FBN2: variants seen among roughly 807,000 people sequenced by gnomAD.
The protein encoded by FBN2 is fibrillin 2, also known as fibrillin-2.
FBN2 carries 105 observed loss-of-function variants against 355.6 expected under a neutral mutation model. The ratio of observed to expected loss-of-function variants is 0.30; its 90% CI spans 0.25 to 0.35. The LOEUF (loss-of-function observed/expected upper bound fraction) is 0.35, where lower values mean the gene tolerates loss of function less well. Among genes scored for constraint, FBN2 ranks in the 10% least tolerant of loss-of-function variants. FBN2 has a pLI of 1.00. For missense variants in FBN2, 3,280 were observed against 3,758.7 expected (o/e 0.87, Z 3.33); for synonymous variants, 1,350 against 1,301.2 (o/e 1.04, Z -0.81).
intron 23 of FBN2, among the ~76,000 whole-genome samples, chr5:128,347,869 C>T (rs554777932): frequency 1.3e-5 from 2 of 152,164 alleles, no homozygotes; most frequent in Non-Finnish European, 2.9e-5. Context: ...ATCTCCACTT[C>T]CCAGGTTCAA....
chr5:128,498,341 A>G (rs762232150), intron 5 of FBN2, among the ~76,000 whole-genome samples: 30 of 152,248 alleles, frequency 2.0e-4, no homozygotes, highest in Non-Finnish European at 3.8e-4. Context: ...TAATGAATAT[A>G]GCACTTTCCA....
intron 5 of FBN2, among the ~76,000 whole-genome samples, chr5:128,494,946 G>T (rs1349362351): frequency 6.6e-6 from 1 of 152,094 alleles, no homozygotes; most frequent in Non-Finnish European, 1.5e-5. Context: ...CAACAGAAAT[G>T]TCCTTAGAGA....
chr5:128,414,079 T>C (rs1416781156), intron 7 of FBN2, among the ~76,000 whole-genome samples: 1 of 152,194 alleles, frequency 6.6e-6, no homozygotes, highest in Non-Finnish European at 1.5e-5. Flanking sequence ...TTCAAAAGCA[T>C]GGTGTGTATC....
At chr5:128,454,766 C>G (rs977773892) in intron 6 of FBN2, among the ~76,000 whole-genome samples, 1 of 152,116 alleles carries the variant, frequency 6.6e-6, no homozygotes, top group African/African-American at 2.4e-5. Context: ...ATTGCTATTT[C>G]TTTATTCATG....
Position 128,290,823 on chromosome 5 carries a change from A to T in FBN2, c.6354T>A (p.Ala2118=), listed in dbSNP as rs1273900117. The change falls in exon 50 of 65, where the codon GCT becomes GCA. Residue 2118 remains alanine, a synonymous_variant. Transcript: ENST00000262464. ...AGCATTTTGCTTTTGTGGTGTTGAA[A>T]GCTTTGGGTACAGAACACTTTCCAT... ...FENGKCSVPK[A]FNTTKAKCCC... is the part of the protein sequence containing the mutation. 6.2e-7 allele frequency: 1 copy of T among 1,614,114 alleles called. No homozygotes were observed. The highest frequency in any genetic ancestry group is 1.7e-5 in the Admixed American group (1 of 60,018).
intron 4 of FBN2, among the ~76,000 whole-genome samples, chr5:128,527,602 A>C (rs1756595020): frequency 6.6e-6 from 1 of 152,124 alleles, no homozygotes; most frequent in Non-Finnish European, 1.5e-5. Flanking sequence ...AAATCACAGA[A>C]AATCTGTGAG....
chr5:128,267,225 T>C (rs924541395), intron 62 of FBN2, among the ~76,000 whole-genome samples: 5 of 152,232 alleles, frequency 3.3e-5, no homozygotes, highest in Non-Finnish European at 5.9e-5. Flanking sequence ...CAGTCTATCA[T>C]GGGCATTTGG....
At chr5:128,451,371 T>C (rs1754239148) in intron 6 of FBN2, among the ~76,000 whole-genome samples, 1 of 152,184 alleles carries the variant, frequency 6.6e-6, no homozygotes, top group African/African-American at 2.4e-5. Context: ...ATTCAGCACA[T>C]TTTAAACCTC....
intron 30 of FBN2, among the ~76,000 whole-genome samples, 161 bp from the exon 31 acceptor site, chr5:128,335,005 G>A (rs943508427): frequency 4.6e-5 from 7 of 152,140 alleles, no homozygotes; most frequent in African/African-American, 1.7e-4. Context: ...CCTGCCTTTA[G>A]ACATTTTTAA....
At chr5:128,468,365 A>G (rs1225819914) in intron 5 of FBN2, among the ~76,000 whole-genome samples, 4 of 152,180 alleles carry the variant, frequency 2.6e-5, no homozygotes, top group Non-Finnish European at 4.4e-5. Flanking sequence ...TACTTTTGGG[A>G]TATTATAAAT....
chr5:128,306,660 A>C (rs1315376075), intron 42 of FBN2, among the ~76,000 whole-genome samples: 1 of 152,164 alleles, frequency 6.6e-6, no homozygotes, highest in African/African-American at 2.4e-5. Context: ...ATCTTTGAGG[A>C]AGGAAGCTAG....
chr5:128,526,286 G>C (rs533979731), intron 4 of FBN2, among the ~76,000 whole-genome samples: 9 of 152,048 alleles, frequency 5.9e-5, no homozygotes, highest in Non-Finnish European at 1.3e-4. Context: ...TGGAGCCCTT[G>C]TGCACTGCTA....
intron 27 of FBN2, among the ~76,000 whole-genome samples, chr5:128,337,682 C>T (rs1195028327): frequency 5.9e-5 from 9 of 152,184 alleles, no homozygotes; most frequent in Admixed American, 3.9e-4. Context: ...AGGTGCACAA[C>T]GCACACAGTA....
intron 22 of FBN2, 62 bp downstream of exon 22, chr5:128,349,893 A>G: frequency 8.0e-7 from 1 of 1,251,218 alleles, no homozygotes; most frequent in Non-Finnish European, 1.2e-6. Flanking sequence ...TTTGAGAGTG[A>G]ATGTTAATTT....
chr5:128,354,076 TAGTC>T (rs1751440018), intron 20 of FBN2, among the ~76,000 whole-genome samples: 1 of 152,142 alleles, frequency 6.6e-6, no homozygotes, highest in Admixed American at 6.5e-5. Flanking sequence ...CAGATGTAGA[TAGTC>T]AGGAATTAGT....
intron 7 of FBN2, among the ~76,000 whole-genome samples, chr5:128,435,724 C>T (rs1050383076): frequency 6.6e-6 from 1 of 151,990 alleles, no homozygotes; most frequent in Non-Finnish European, 1.5e-5. Flanking sequence ...CCTCTTGTTA[C>T]TGGGATAAAT....
intron 4 of FBN2, among the ~76,000 whole-genome samples, chr5:128,523,816 T>C (rs1439764299): frequency 6.6e-6 from 1 of 152,050 alleles, no homozygotes; most frequent in Non-Finnish European, 1.5e-5. Context: ...CATCAGAGTA[T>C]ACCTCCAAAA....
chr5:128,446,635 A>G lies in FBN2; in HGVS notation c.827-29T>C, dbSNP rs751240914. The G allele has an allele frequency of 3.7e-6, 6 of 1,610,786 alleles. No homozygotes were observed. In the African/African-American group the frequency reaches 6.7e-5, roughly 18 times the overall value. On this transcript the variant is annotated intron_variant, in intron 6 of 64. Coordinates refer to ENST00000262464, the MANE Select transcript of FBN2 (RefSeq NM_001999.4). ...CAAGAAGAAAACATTTTGAACACAG[A>G]TGACACTGGTTTTCAGAATATCTAT...
At chr5:128,432,850 A>C (rs1023096465) in intron 7 of FBN2, among the ~76,000 whole-genome samples, 4 of 152,160 alleles carry the variant, frequency 2.6e-5, no homozygotes, top group Non-Finnish European at 4.4e-5. Context: ...ATTTACTTGT[A>C]GTTCTGTATG....
Sources: allele counts gnomAD v4.1 joint callset (sites outside exome capture counted in the v4.1 genomes callset), GRCh38; gene constraint gnomAD v4.1.1; transcripts MANE v1.5; gene names NCBI Gene and HGNC (gene_info 2026-07-23, HGNC 2026-07-21).